CACNA2D3: variants seen among roughly 807,000 people sequenced by gnomAD.
CACNA2D3 encodes voltage-dependent calcium channel subunit alpha-2/delta-3.
CACNA2D3 carries 60 observed loss-of-function variants against 160.6 expected under a neutral mutation model. That is an observed-to-expected ratio of 0.37 (90% confidence interval 0.30 to 0.46). The LOEUF (loss-of-function observed/expected upper bound fraction) is 0.46, where lower values mean the gene tolerates loss of function less well. Among genes scored for constraint, CACNA2D3 ranks in the 20% least tolerant of loss-of-function variants. The probability of loss-of-function intolerance (pLI) is 1.00; values close to 1 mark genes in which losing one functional copy is unlikely to be tolerated. For synonymous variants in CACNA2D3, 558 were observed against 492.9 expected (o/e 1.13, Z -1.75); for missense variants, 1,205 against 1,365.0 (o/e 0.88, Z 1.85).
intron 3 of CACNA2D3, among the ~76,000 whole-genome samples, chr3:54,335,153 A>G (rs1704345028): frequency 6.6e-6 from 1 of 152,230 alleles, no homozygotes; most frequent in Non-Finnish European, 1.5e-5. Context: ...TAATAGGAAT[A>G]TTTGAAGAGG....
chr3:54,692,749 TTTCTTTCA>T (rs1487545209), intron 11 of CACNA2D3, among the ~76,000 whole-genome samples: 1 of 152,136 alleles, frequency 6.6e-6, no homozygotes, highest in African/African-American at 2.4e-5. Flanking sequence ...CAGTTACAGG[TTTCTTTCA>T]TTCTGTGGGT....
intron 13 of CACNA2D3, among the ~76,000 whole-genome samples, chr3:54,785,684 A>G (rs1702627214): frequency 1.3e-5 from 2 of 152,212 alleles, no homozygotes; most frequent in African/African-American, 4.8e-5. Context: ...TTGTACAGAA[A>G]TGTCAGTGAC....
At chr3:54,195,870 G>A (rs1486593187) in intron 2 of CACNA2D3, among the ~76,000 whole-genome samples, 1 of 152,196 alleles carries the variant, frequency 6.6e-6, no homozygotes, top group Non-Finnish European at 1.5e-5. Context: ...GGACATTTAT[G>A]CAAGTGAAAA....
intron 13 of CACNA2D3, among the ~76,000 whole-genome samples, chr3:54,771,974 A>G (rs961447250): frequency 3.3e-5 from 5 of 152,002 alleles, no homozygotes; most frequent in Non-Finnish European, 5.9e-5. Context: ...AGCTATGTCC[A>G]TTCTTCATCA....
intron 12 of CACNA2D3, among the ~76,000 whole-genome samples, chr3:54,758,055 G>A (rs1292658521): frequency 6.6e-6 from 1 of 152,190 alleles, no homozygotes; most frequent in East Asian, 1.9e-4. Context: ...GCCAGAGCTG[G>A]GATTTATGCC....
chr3:54,411,195 A>C (rs1278262606), intron 4 of CACNA2D3, among the ~76,000 whole-genome samples: 1 of 152,214 alleles, frequency 6.6e-6, no homozygotes, highest in Non-Finnish European at 1.5e-5. Flanking sequence ...AAGATGCTGT[A>C]AACATTGTTG....
intron 4 of CACNA2D3, among the ~76,000 whole-genome samples, chr3:54,456,449 C>G (rs1293471910): frequency 6.6e-6 from 1 of 151,866 alleles, no homozygotes; most frequent in Non-Finnish European, 1.5e-5. Context: ...TTTGTCCGTT[C>G]TAAGAGTTTT....
chr3:54,663,580 G>A (rs1394182082), intron 11 of CACNA2D3, among the ~76,000 whole-genome samples: 1 of 152,202 alleles, frequency 6.6e-6, no homozygotes, highest in African/African-American at 2.4e-5. Context: ...CTTCAGAGAG[G>A]CAGGATGACA....
Position 54,928,963 on chromosome 3 carries a change from G to A in CACNA2D3, c.2449+29095G>A, listed in dbSNP as rs537181684. Among the ~76,000 whole-genome samples, 6 of 152,272 alleles carry A rather than the reference G, an allele frequency of 3.9e-5. 1 individual carries two copies. In the South Asian group the frequency reaches 1.2e-3, roughly 32 times the overall value. On this transcript the variant is annotated intron_variant, in intron 27 of 37. Transcript: ENST00000474759. Reference sequence around the variant, plus strand: ...ATGTGGAAATCCCCTGCCATTTGCTGAGGTGGGGTTTCAACCCCTGAAGCT... The same window carrying A: ...ATGTGGAAATCCCCTGCCATTTGCTAAGGTGGGGTTTCAACCCCTGAAGCT...
chr3:54,338,319 G>A (rs1310268701), intron 3 of CACNA2D3, among the ~76,000 whole-genome samples: 1 of 152,194 alleles, frequency 6.6e-6, no homozygotes, highest in African/African-American at 2.4e-5. Flanking sequence ...CTAACCCACT[G>A]CCACATGTGT....
chr3:54,432,723 C>T lies in CACNA2D3; in HGVS notation c.381+45949C>T, dbSNP rs77112916. 3.3e-3 allele frequency among the ~76,000 whole-genome samples: 497 copies of T among 152,056 alleles called. 19 individuals carry two copies. The East Asian group carries it at 0.071, about 22-fold the overall frequency. On this transcript the variant is annotated intron_variant, in intron 4 of 37. Coordinates refer to ENST00000474759, the MANE Select transcript of CACNA2D3 (RefSeq NM_018398.3). The stretch of plus-strand genomic sequence containing the variant: ...CTCTGTATATAGATTTTTTTCTTTT[C>T]TAAATCCCTGCAGGCATTAATTTTA...
intron 2 of CACNA2D3, among the ~76,000 whole-genome samples, chr3:54,231,126 T>C (rs1559889816): frequency 6.6e-6 from 1 of 152,118 alleles, no homozygotes; most frequent in Non-Finnish European, 1.5e-5. Flanking sequence ...GTGATGTCTT[T>C]AGGGTGCCTC....
At chr3:54,737,322 G>A (rs966820738) in intron 11 of CACNA2D3, among the ~76,000 whole-genome samples, 2 of 152,012 alleles carry the variant, frequency 1.3e-5, no homozygotes, top group Non-Finnish European at 2.9e-5. Context: ...TAAAAAGGGG[G>A]ACTTATGATA....
chr3:54,277,956 C>G (rs1462117707), intron 2 of CACNA2D3, among the ~76,000 whole-genome samples: 1 of 151,426 alleles, frequency 6.6e-6, no homozygotes, highest in African/African-American at 2.4e-5. Flanking sequence ...CTTAAAACAC[C>G]AAAAGCAATG....
intron 2 of CACNA2D3, among the ~76,000 whole-genome samples, chr3:54,273,720 G>C (rs941144095): frequency 3.3e-5 from 5 of 152,154 alleles, no homozygotes; most frequent in African/African-American, 1.2e-4. Context: ...GACCGTTCTC[G>C]GAGTTTGAGG....
intron 2 of CACNA2D3, among the ~76,000 whole-genome samples, chr3:54,142,560 C>G (rs1699957429): frequency 6.6e-6 from 1 of 152,112 alleles, no homozygotes; most frequent in Non-Finnish European, 1.5e-5. Context: ...CTTTGTTTTC[C>G]TCTTGGCTCC....
At chr3:54,769,037 C>T (rs2217229) in intron 13 of CACNA2D3, among the ~76,000 whole-genome samples, 4,812 of 152,180 alleles carry the variant, frequency 0.032, 232 homozygotes, top group African/African-American at 0.11. Context: ...GTACCTCTGA[C>T]CAGGAAGCAG....
At chr3:54,670,893 C>T (rs990720908) in intron 11 of CACNA2D3, among the ~76,000 whole-genome samples, 1 of 152,072 alleles carries the variant, frequency 6.6e-6, no homozygotes, top group South Asian at 2.1e-4. Flanking sequence ...GCCCATCAAC[C>T]CCAGATCAGC....
chr3:55,032,329 G>T (rs879771607), intron 35 of CACNA2D3, among the ~76,000 whole-genome samples: 7 of 152,168 alleles, frequency 4.6e-5, no homozygotes, highest in Non-Finnish European at 8.8e-5. Context: ...CTCAAAATCA[G>T]GGTTTGCTTT....
Sources: allele counts gnomAD v4.1 joint callset (sites outside exome capture counted in the v4.1 genomes callset), GRCh38; gene constraint gnomAD v4.1.1; transcripts MANE v1.5; gene names NCBI Gene and HGNC (gene_info 2026-07-23, HGNC 2026-07-21).